EML6: variants seen among roughly 807,000 people sequenced by gnomAD.
EML6 encodes the protein EMAP like 6, also known as echinoderm microtubule-associated protein-like 6.
In EML6, 154 loss-of-function variants were observed where a neutral mutation model predicts 240.1. The observed-to-expected ratio is 0.64, with a 90% CI of 0.56 to 0.73. EML6 has a LOEUF of 0.73. EML6 is among the 30% of genes least tolerant of loss of function. EML6 has a pLI of 0.00. For synonymous variants in EML6, 1,148 were observed against 899.0 expected, an observed-to-expected ratio of 1.28 and a Z score of -4.95; for missense variants, 2,964 against 2,474.6, an observed-to-expected ratio of 1.20 and a Z score of -4.20.
At chr2:54,813,485 C>T (rs1337306335) in intron 3 of EML6, 94 bp downstream of exon 3, 10 of 1,084,208 alleles carry the variant, frequency 9.2e-6, no homozygotes, top group Non-Finnish European at 1.2e-5. Flanking sequence ...AGTCCATCAA[C>T]CCTTGCTGGT....
chr2:54,734,538 G>A (rs1229985447), intron 2 of EML6, among the ~76,000 whole-genome samples: 2 of 152,196 alleles, frequency 1.3e-5, no homozygotes, highest in African/African-American at 2.4e-5. Flanking sequence ...GGTGTCAGGG[G>A]TGATGGGTTA....
intron 24 of EML6, 122 bp downstream of exon 24, chr2:54,903,624 T>A: frequency 1.6e-5 from 11 of 694,934 alleles, no homozygotes; most frequent in Admixed American, 3.3e-5. Context: ...CCCACAACAA[T>A]ATAAACGACT....
At chr2:54,931,700 CA>C (rs1196620984) in intron 28 of EML6, among the ~76,000 whole-genome samples, 1 of 152,104 alleles carries the variant, frequency 6.6e-6, no homozygotes, top group African/African-American at 2.4e-5. Context: ...AGACATGCAC[CA>C]ATGAGACTAA....
chr2:54,917,629 G>A (rs1402139975), intron 26 of EML6, among the ~76,000 whole-genome samples: 2 of 152,114 alleles, frequency 1.3e-5, no homozygotes, highest in East Asian at 1.9e-4. Context: ...CCAAACTGCT[G>A]GGATTATGGG....
rs574535589 is a variant in EML6 at position 54,725,785 on chromosome 2, T to G, written c.197+527T>G. 6.1e-4 allele frequency among the ~76,000 whole-genome samples: 93 copies of G among 152,354 alleles called. No homozygotes were observed. The highest frequency in any genetic ancestry group is 2.2e-3 in the African/African-American group (91 of 41,574). On this transcript the variant is annotated intron_variant, in intron 2 of 41. Transcript: ENST00000356458. This position sits in a 1 kb window ranked among gnomAD's most constrained non-coding sequence, Gnocchi z 4.3. ...AGTGGGTGGGGAGTTTGTTCTCTAA[T>G]ATTTCACTTGGCAGTGTTTTAATGC...
At chr2:54,960,475 C>T in intron 35 of EML6, 141 bp downstream of exon 35, 1 of 653,044 alleles carries the variant, frequency 1.5e-6, no homozygotes, top group Non-Finnish European at 2.7e-6. Flanking sequence ...TAGTGGGAAG[C>T]AGCTTAAGAG....
At chr2:54,731,315 G>T (rs1232242012) in intron 2 of EML6, among the ~76,000 whole-genome samples, 1 of 152,104 alleles carries the variant, frequency 6.6e-6, no homozygotes, top group Non-Finnish European at 1.5e-5. Context: ...TATTGTTGTG[G>T]ATACTTGTTC....
intron 17 of EML6, among the ~76,000 whole-genome samples, chr2:54,887,619 A>G (rs1434551624): frequency 6.6e-6 from 1 of 152,230 alleles, no homozygotes; most frequent in African/African-American, 2.4e-5. Flanking sequence ...TATTCTTCTA[A>G]TGTTCTATGG....
chr2:54,892,433 A>G lies in EML6; in HGVS notation c.2540-21A>G, dbSNP rs954474329. 5 of 1,525,488 alleles carry G rather than the reference A, an allele frequency of 3.3e-6. No homozygotes were observed. The Admixed American group carries it at 9.9e-5, about 30-fold the overall frequency. 94.5% of individuals were successfully genotyped at this position (1,525,488 alleles called of 1,614,324 possible). A position where few individuals can be genotyped will look rare whatever the true frequency, so the allele number is the denominator to read the frequency against. On this transcript the variant is annotated intron_variant, in intron 18 of 41. Coordinates refer to ENST00000356458, the MANE Select transcript of EML6 (RefSeq NM_001039753.4). ...AAGTGCCAGATTTTATAAAGTAATA[A>G]CTGTTCTTGGTCCACTCTAGGTGGG...
At chr2:54,942,734 C>T (rs1675491683) in intron 28 of EML6, among the ~76,000 whole-genome samples, 1 of 152,206 alleles carries the variant, frequency 6.6e-6, no homozygotes, top group Non-Finnish European at 1.5e-5. Context: ...CCAGCTCCTG[C>T]CATGCCCTGG....
chr2:54,844,318 A>C, intron 8 of EML6, 70 bp downstream of exon 8: 1 of 1,219,770 alleles, frequency 8.2e-7, no homozygotes, highest in Non-Finnish European at 1.2e-6. Context: ...TTGCTTATTA[A>C]TAGAAGGATA....
rs116205786 is a variant in EML6 at position 54,957,561 on chromosome 2, G to T, written c.4487-229G>T. ...GGCCATCCTTTCTTGCTACGTTCAT[G>T]AATGCCTGGGTTGGGGGATCTGTTA... On this transcript the variant is annotated intron_variant, in intron 32 of 41. Transcript: ENST00000356458. 3.4e-3 allele frequency among the ~76,000 whole-genome samples: 518 copies of T among 152,282 alleles called. 1 individual carries two copies. Among genetic ancestry groups the T allele is most frequent in the Non-Finnish European group, 5.7e-3 (391 of 68,030 alleles).
rs1676860003 is a variant in EML6 at position 54,968,723 on chromosome 2, C to T, written c.5807C>T (p.Ser1936Phe). 6.4e-7 allele frequency: 1 copy of T among 1,551,320 alleles called. No individual in the cohort carries two copies. Among genetic ancestry groups the T allele is most frequent in the Non-Finnish European group, 8.7e-7 (1 of 1,146,566 alleles). Residue 1936 changes from serine to phenylalanine, a missense_variant, in exon 41 of 42, where the codon TCT (serine) becomes TTT (phenylalanine). Coordinates refer to ENST00000356458, the MANE Select transcript of EML6 (RefSeq NM_001039753.4). ...HSAHVTNIRF[S>F]YDDKYVVSTG... ...GCTCACGTGACGAACATCCGTTTCT[C>T]TTATGATGACAAGTATGTGGTCAGC...
intron 18 of EML6, among the ~76,000 whole-genome samples, chr2:54,891,750 G>T (rs1419671140): frequency 6.6e-6 from 1 of 152,120 alleles, no homozygotes; most frequent in Non-Finnish European, 1.5e-5. Context: ...TGTGAATAAG[G>T]TTCTGTTCCA....
chr2:54,795,443 T>G, intron 2 of EML6, among the ~76,000 whole-genome samples: 1 of 152,178 alleles, frequency 6.6e-6, no homozygotes, highest in Admixed American at 6.5e-5. Flanking sequence ...CGTATGGGGA[T>G]TACAATTGGA....
Position 54,943,956 on chromosome 2 carries a change from GTTC to G in EML6, c.4005-4921_4005-4919del, listed in dbSNP as rs574362422. On this transcript the variant is annotated intron_variant, in intron 28 of 41. Coordinates refer to ENST00000356458, the MANE Select transcript of EML6 (RefSeq NM_001039753.4). The stretch of plus-strand genomic sequence containing the variant: ...GTGCGTGTTAGAGAAGAATATAAAC[GTTC>G]TTCTCTCGCCTTTTTGAAAGAATCT... Among the ~76,000 whole-genome samples, 14 of 152,232 alleles carry G rather than the reference GTTC, an allele frequency of 9.2e-5. No homozygotes were observed. The South Asian group carries it at 2.9e-3, about 32-fold the overall frequency.
In EML6 at chr2:54,928,421, GC is replaced by G; in HGVS notation, c.3787del (p.Leu1263Ter). On this transcript the variant is annotated frameshift_variant, in exon 27 of 42. Transcript: ENST00000356458. LOFTEE classifies it high-confidence loss of function. Reference protein sequence around the residue: ...VLLTVGGADTALMIWTREFVG... With the variant: ...VLLTVGGADTXLMIWTREFVG... Reference sequence around the variant, plus strand: ...GCTCACGGTGGGCGGCGCCGACACAGCCCTGATGATCTGGACCAGGGAGTTT... The same window carrying G: ...GCTCACGGTGGGCGGCGCCGACACAGCCTGATGATCTGGACCAGGGAGTTT... 1 of 1,544,934 alleles carries G rather than the reference GC, an allele frequency of 6.5e-7. No homozygotes were observed. The highest frequency in any genetic ancestry group is 8.7e-7 in the Non-Finnish European group (1 of 1,143,384).
intron 6 of EML6, among the ~76,000 whole-genome samples, chr2:54,828,187 T>A (rs541514712): frequency 6.6e-6 from 1 of 152,234 alleles, no homozygotes; most frequent in African/African-American, 2.4e-5. Context: ...CTTGTATTGG[T>A]TGGTAAGATA....
At chr2:54,728,289 A>G (rs1396297060) in intron 2 of EML6, among the ~76,000 whole-genome samples, 1 of 152,232 alleles carries the variant, frequency 6.6e-6, no homozygotes, top group African/African-American at 2.4e-5. Context: ...GAATGGGAGT[A>G]AATGAAAGAA....
Sources: allele counts gnomAD v4.1 joint callset (sites outside exome capture counted in the v4.1 genomes callset), GRCh38; gene constraint gnomAD v4.1.1; non-coding constraint Gnocchi (gnomAD v3.1); transcripts MANE v1.5; gene names NCBI Gene and HGNC (gene_info 2026-07-23, HGNC 2026-07-21).